The following NFIB variants were observed in gnomAD, a reference collection of about 807,000 sequenced individuals.
NFIB encodes the protein nuclear factor 1 B-type.
Under a neutral mutation model 61.5 loss-of-function variants are expected in NFIB, and 11 were observed. The ratio of observed to expected loss-of-function variants is 0.18; its 90% confidence interval spans 0.11 to 0.30. NFIB has a LOEUF of 0.30. Ranked by LOEUF, NFIB falls within the 10% of genes least tolerant of loss-of-function variation. The probability of loss-of-function intolerance (pLI) is 1.00; values close to 1 mark genes in which losing one functional copy is unlikely to be tolerated. For missense variants in NFIB, 471 were observed against 608.9 expected (o/e 0.77, Z 2.38); for synonymous variants, 260 against 216.5 (o/e 1.20, Z -1.76).
At position 14,387,509 on chromosome 9, in the gene NFIB, A is replaced by G. The variant is rs1202928671; in HGVS notation, c.108+11015T>C. Among the ~76,000 whole-genome samples the G allele has an allele frequency of 2.6e-5, 4 of 152,354 alleles. No homozygotes were observed. The East Asian group carries it at 5.8e-4, about 22-fold the overall frequency. Reference sequence around the variant, plus strand: ...TCCAGAATACATACAGTCATTAAAAATCAGTGAGAAGAAGAAACAAACAAC... The same window carrying G: ...TCCAGAATACATACAGTCATTAAAAGTCAGTGAGAAGAAGAAACAAACAAC... On this transcript the variant is annotated intron_variant, in intron 1 of 8. Transcript: ENST00000380934.
chr9:14,398,556 T>TA lies in NFIB; in HGVS notation c.75dup (p.Lys26Ter). 2 of 1,535,470 alleles carry TA rather than the reference T, an allele frequency of 1.3e-6. No homozygotes were observed. ...CCAAAGCACAGAGTTGACATTCTTT[T>TA]AGGAATCCCAGGGTTACATTTCAGA... On this transcript the variant is annotated frameshift_variant, in exon 1 of 9. Coordinates refer to the NFIB transcript ENST00000380934. LOFTEE classifies it high-confidence loss of function.
At chr9:14,488,474 T>C in the NFIB span, among the ~76,000 whole-genome samples, 1 of 152,328 alleles carries the variant, frequency 6.6e-6, no homozygotes, top group Non-Finnish European at 1.5e-5. Flanking sequence ...CAAATTTGCT[T>C]TGTAAAATAG....
At chr9:14,389,660 C>T (rs1350134794) in intron 1 of NFIB, among the ~76,000 whole-genome samples, 3 of 152,110 alleles carry the variant, frequency 2.0e-5, no homozygotes, top group African/African-American at 7.2e-5. Context: ...CCCTGCCATA[C>T]ACACAGACAA....
the NFIB span, among the ~76,000 whole-genome samples, chr9:14,419,378 AG>A: frequency 1.3e-5 from 2 of 151,666 alleles, no homozygotes; most frequent in Non-Finnish European, 1.5e-5. Flanking sequence ...GGGACCAGGG[AG>A]GGGAGGTTGC....
the NFIB span, among the ~76,000 whole-genome samples, chr9:14,454,322 T>C: frequency 1.3e-5 from 2 of 152,220 alleles, no homozygotes; most frequent in African/African-American, 4.8e-5. Flanking sequence ...TATGTTGCTA[T>C]TTAGCTGCAG....
At chr9:14,128,169 A>T (rs922297354) in intron 6 of NFIB, among the ~76,000 whole-genome samples, 3 of 152,166 alleles carry the variant, frequency 2.0e-5, no homozygotes, top group Non-Finnish European at 2.9e-5. Context: ...CATACAGATT[A>T]TTAAGAGGTG....
At chr9:14,462,530 C>T in the NFIB span, among the ~76,000 whole-genome samples, 2 of 152,102 alleles carry the variant, frequency 1.3e-5, no homozygotes, top group Admixed American at 6.5e-5. Flanking sequence ...GATCAGCCCG[C>T]CTCGGCCTCC....
intron 3 of NFIB, among the ~76,000 whole-genome samples, chr9:14,170,346 T>C (rs184789466): frequency 1.3e-5 from 2 of 152,218 alleles, no homozygotes; most frequent in Admixed American, 6.5e-5. Context: ...GAGGCCACCG[T>C]AGAAGGAACC....
At chr9:14,404,278 C>A in the NFIB span, among the ~76,000 whole-genome samples, 18 of 152,232 alleles carry the variant, frequency 1.2e-4, no homozygotes, top group Admixed American at 1.2e-3. Flanking sequence ...ATATCTACCA[C>A]CCCGAGGATT....
the NFIB span, among the ~76,000 whole-genome samples, chr9:14,472,790 G>A: frequency 4.6e-5 from 7 of 152,016 alleles, no homozygotes; most frequent in African/African-American, 1.4e-4. Flanking sequence ...GCAGTGAGCC[G>A]AGATCGAGCC....
At chr9:14,116,138 G>T in intron 9 of NFIB, 70 bp downstream of exon 9, 1 of 1,384,748 alleles carries the variant, frequency 7.2e-7, no homozygotes, top group Non-Finnish European at 9.5e-7. Context: ...ATATCCAATG[G>T]TGCCTCTGAT....
At chr9:14,283,617 T>A (rs866085983) in intron 2 of NFIB, among the ~76,000 whole-genome samples, 2 of 152,228 alleles carry the variant, frequency 1.3e-5, no homozygotes, top group Non-Finnish European at 1.5e-5. Context: ...CAAGTTGATT[T>A]GGCCTGAGCC....
chr9:14,374,090 G>A (rs560277794), intron 1 of NFIB, among the ~76,000 whole-genome samples: 1 of 152,216 alleles, frequency 6.6e-6, no homozygotes, highest in African/African-American at 2.4e-5. Context: ...GGGTTTTGAA[G>A]GCAAAATTAT....
intron 7 of NFIB, among the ~76,000 whole-genome samples, chr9:14,124,151 A>G (rs564205764): frequency 6.6e-6 from 1 of 152,282 alleles, no homozygotes; most frequent in Admixed American, 6.5e-5. Context: ...TGAAGGACCA[A>G]GGTGGAGGGC....
At chr9:14,378,891 G>C (rs677339) in intron 1 of NFIB, among the ~76,000 whole-genome samples, 261 of 152,224 alleles carry the variant, frequency 1.7e-3, no homozygotes, top group African/African-American at 5.9e-3. Context: ...TTGTACTTCT[G>C]ATTTGATTTG....
intron 2 of NFIB, among the ~76,000 whole-genome samples, chr9:14,287,509 T>A (rs2058794240): frequency 1.3e-5 from 2 of 151,864 alleles, no homozygotes; most frequent in African/African-American, 4.8e-5. Context: ...CTGCAACCTC[T>A]GCCTCCCGGG....
At chr9:14,347,460 T>C (rs934853458) in intron 1 of NFIB, 1 of 152,380 alleles carries the variant, frequency 6.6e-6, no homozygotes, top group African/African-American at 2.4e-5. Context: ...GGGGCAAACT[T>C]GAGCTGGCAA....
chr9:14,201,092 C>T (rs75741414), intron 2 of NFIB, among the ~76,000 whole-genome samples: 4,468 of 152,274 alleles, frequency 0.029, 222 homozygotes, highest in African/African-American at 0.099. Context: ...CCAACTGGTG[C>T]TAAGTCCCTT....
chr9:14,159,592 C>A (rs1384034681), intron 3 of NFIB, among the ~76,000 whole-genome samples: 1 of 152,134 alleles, frequency 6.6e-6, no homozygotes, highest in Non-Finnish European at 1.5e-5. Flanking sequence ...GGCAGCATAG[C>A]CTTTGTAACG....
Sources: allele counts gnomAD v4.1 joint callset (sites outside exome capture counted in the v4.1 genomes callset), GRCh38; gene constraint gnomAD v4.1.1; transcripts MANE v1.5; gene names NCBI Gene and HGNC (gene_info 2026-07-23, HGNC 2026-07-21).